Variants in SLC17A5 observed in about 807,000 individuals in gnomAD.
SLC17A5 encodes the protein solute carrier family 17 member 5.
In SLC17A5, 47 loss-of-function variants were observed where a neutral mutation model predicts 59.4. That is an observed-to-expected ratio of 0.79 (90% CI 0.63 to 1.01). SLC17A5 has a LOEUF of 1.01. Ranked by LOEUF, SLC17A5 falls within the 50% of genes least tolerant of loss-of-function variation. The pLI is 0.00. For missense variants in SLC17A5, 522 were observed against 595.5 expected, an observed-to-expected ratio of 0.88 and a Z score of 1.28; for synonymous variants, 202 against 210.7, an observed-to-expected ratio of 0.96 and a Z score of 0.36.
At chr6:73,649,566 C>G (rs1769748870) in intron 1 of SLC17A5, among the ~76,000 whole-genome samples, 1 of 152,148 alleles carries the variant, frequency 6.6e-6, no homozygotes, top group African/African-American at 2.4e-5. Context: ...GATTGTGCCA[C>G]TGCACTTCAG....
intron 1 of SLC17A5, among the ~76,000 whole-genome samples, chr6:73,652,144 T>C (rs1769902821): frequency 1.3e-5 from 2 of 152,114 alleles, no homozygotes; most frequent in South Asian, 4.1e-4. Context: ...CCAGTGGGTA[T>C]GTAAAGAGGG....
intron 1 of SLC17A5, among the ~76,000 whole-genome samples, chr6:73,651,844 G>T (rs1360014483): frequency 1.3e-5 from 2 of 152,146 alleles, no homozygotes; most frequent in African/African-American, 2.4e-5. Flanking sequence ...TATTTGCTGT[G>T]ATAATAGTAC....
intron 6 of SLC17A5, among the ~76,000 whole-genome samples, chr6:73,627,070 C>A (rs993867406): frequency 6.7e-5 from 10 of 149,832 alleles, no homozygotes; most frequent in Non-Finnish European, 1.0e-4. Flanking sequence ...CCACGCCTGG[C>A]CAGAACTAAT....
At chr6:73,610,922 T>A (rs1416929383) in intron 8 of SLC17A5, among the ~76,000 whole-genome samples, 1 of 152,164 alleles carries the variant, frequency 6.6e-6, no homozygotes, top group Non-Finnish European at 1.5e-5. Context: ...AACTGAATAA[T>A]AAACTCTGTT....
In SLC17A5 at chr6:73,638,467, C is replaced by T. The variant is rs775745551; in HGVS notation, c.558G>A (p.Trp186Ter). Reference protein sequence around the residue: ...GVTFPAMHAMWSSWAPPLERS... With the variant: ...GVTFPAMHAM ...TTTCAAGAGGGGGAGCCCAAGAAGACCACATGGCATGCATGGCTGGAAATG... is the reference window on the plus strand; with the variant it reads ...TTTCAAGAGGGGGAGCCCAAGAAGATCACATGGCATGCATGGCTGGAAATG... Residue 186 changes from tryptophan (W) to a stop codon, truncating the protein, a stop_gained, in exon 4 of 11, where the codon TGG becomes TGA. Transcript: ENST00000355773. LOFTEE classifies it high-confidence loss of function. The T allele has an allele frequency of 1.2e-6, 2 of 1,613,850 alleles. No homozygotes were observed. The highest frequency in any genetic ancestry group is 1.1e-5 in the South Asian group (1 of 91,080).
intron 1 of SLC17A5, chr6:73,645,222 T>G (rs558277816): frequency 7.2e-5 from 33 of 456,276 alleles, no homozygotes; most frequent in African/African-American, 6.1e-4. Context: ...CATTGTTAAA[T>G]GTAGCATAGC....
chr6:73,643,042 C>T (rs946596063), intron 2 of SLC17A5, among the ~76,000 whole-genome samples: 1 of 152,082 alleles, frequency 6.6e-6, no homozygotes, highest in African/African-American at 2.4e-5. Context: ...TAGAGAGAAA[C>T]CCTCTTTCCT....
At chr6:73,649,679 T>C (rs1352218602) in intron 1 of SLC17A5, among the ~76,000 whole-genome samples, 1 of 152,234 alleles carries the variant, frequency 6.6e-6, no homozygotes, top group Non-Finnish European at 1.5e-5. Context: ...TTAGGGTTAT[T>C]ATAAGGATTC....
intron 9 of SLC17A5, among the ~76,000 whole-genome samples, chr6:73,601,531 G>C (rs1283137413): frequency 9.4e-6 from 1 of 105,990 alleles, no homozygotes; most frequent in Non-Finnish European, 1.9e-5. Flanking sequence ...CCCCCCGCCC[G>C]GCCAGCCAAC....
intron 9 of SLC17A5, among the ~76,000 whole-genome samples, chr6:73,601,246 A>G (rs613668): frequency 0.49 from 67,992 of 137,850 alleles, 16,615 homozygotes; most frequent in African/African-American, 0.6. Context: ...CCCCGTCTGG[A>G]AGGTGAGGAG....
intron 8 of SLC17A5, among the ~76,000 whole-genome samples, chr6:73,611,862 G>A (rs1302404754): frequency 6.6e-6 from 1 of 151,756 alleles, no homozygotes. Flanking sequence ...TTGAGACAGG[G>A]TCTCACTGTC....
intron 2 of SLC17A5, among the ~76,000 whole-genome samples, chr6:73,642,908 T>C (rs1414159604): frequency 6.6e-6 from 1 of 152,172 alleles, no homozygotes; most frequent in Non-Finnish European, 1.5e-5. Context: ...TCATGTACAT[T>C]CCAGCAGTAT....
At chr6:73,595,756 G>A (rs445098) in intron 10 of SLC17A5, among the ~76,000 whole-genome samples, 65,712 of 151,008 alleles carry the variant, frequency 0.44, 14,667 homozygotes, top group African/African-American at 0.49. Flanking sequence ...TCTGTCACCC[G>A]GGCTGGAGTG....
chr6:73,605,432 CACAACAAAAA>C (rs1767347863), intron 9 of SLC17A5, among the ~76,000 whole-genome samples: 1 of 151,894 alleles, frequency 6.6e-6, no homozygotes, highest in South Asian at 2.1e-4. Context: ...CAGTTGTTAC[CACAACAAAAA>C]GCAACTATGA....
rs1046430180 is a variant in SLC17A5 at position 73,636,197 on chromosome 6, G to A, written c.700+424C>T. On this transcript the variant is annotated intron_variant, in intron 5 of 10. Coordinates refer to ENST00000355773, the MANE Select transcript of SLC17A5 (RefSeq NM_012434.5). The stretch of plus-strand genomic sequence containing the variant: ...TGCAGATATATTTCTTGCATGACAT[G>A]TCTATGTGAAAATCTAATTTATTAA... 5.3e-5 allele frequency among the ~76,000 whole-genome samples: 8 copies of A among 151,342 alleles called. No homozygotes were observed. In the South Asian group the frequency reaches 8.3e-4, roughly 16 times the overall value.
chr6:73,622,504 G>T (rs1374808402), intron 6 of SLC17A5, among the ~76,000 whole-genome samples: 1 of 152,124 alleles, frequency 6.6e-6, no homozygotes, highest in Non-Finnish European at 1.5e-5. Flanking sequence ...GTTTCACCAT[G>T]TTGGTTAGGC....
intron 7 of SLC17A5, among the ~76,000 whole-genome samples, chr6:73,616,155 A>T (rs1767850892): frequency 6.6e-6 from 1 of 152,050 alleles, no homozygotes; most frequent in Non-Finnish European, 1.5e-5. Context: ...AAGTACTGGG[A>T]TTACAGGCAT....
rs549687571 is a variant in SLC17A5 at position 73,621,931 on chromosome 6, G to C, written c.851C>G (p.Pro284Arg). 145 of 1,613,964 alleles carry C rather than the reference G, an allele frequency of 9.0e-5. 1 individual carries two copies. The South Asian group carries it at 1.5e-3, about 17-fold the overall frequency. Residue 284 changes from proline (P) to arginine (R), a missense_variant, in exon 7 of 11, where the codon CCC becomes CGC. Transcript: ENST00000355773. ...CCAAAGTGGCAGGGATTTTAAAATG[G>C]GTACCCACGGCACTGACTTCTGTGA... ...LSSQKSVPWVPILKSLPLWAI... is the reference protein window; with the variant it reads ...LSSQKSVPWVRILKSLPLWAI...
At chr6:73,638,628 T>C in intron 3 of SLC17A5, 129 bp from the exon 4 acceptor site, 1 of 760,294 alleles carries the variant, frequency 1.3e-6, no homozygotes, top group Non-Finnish European at 2.3e-6. Flanking sequence ...TTCCATGAAA[T>C]GAGAAATTTT....
Sources: allele counts gnomAD v4.1 joint callset (sites outside exome capture counted in the v4.1 genomes callset), GRCh38; gene constraint gnomAD v4.1.1; transcripts MANE v1.5; gene names NCBI Gene and HGNC (gene_info 2026-07-23, HGNC 2026-07-21).